The following BIRC6 variants were observed in gnomAD, a reference collection of about 807,000 sequenced individuals.
The protein encoded by BIRC6 is dual E2 ubiquitin-conjugating enzyme/E3 ubiquitin-protein ligase BIRC6.
BIRC6 carries 98 observed loss-of-function variants against 503.3 expected under a neutral mutation model. That is an observed-to-expected ratio of 0.19 (90% confidence interval 0.17 to 0.23). The LOEUF is 0.23. BIRC6 is among the 10% of genes least tolerant of loss of function. The pLI, the probability that BIRC6 is intolerant of heterozygous loss-of-function variation, is 1.00. For missense variants in BIRC6, 5,360 were observed against 5,806.0 expected (o/e 0.92, Z 2.50); for synonymous variants, 2,240 against 2,078.7 (o/e 1.08, Z -2.11).
At chr2:32,559,402 C>T (rs186965572) in intron 65 of BIRC6, among the ~76,000 whole-genome samples, 13 of 152,210 alleles carry the variant, frequency 8.5e-5, no homozygotes, top group African/African-American at 2.4e-4. Flanking sequence ...GTCAGGCAGG[C>T]GCACATTGAA....
intron 50 of BIRC6, among the ~76,000 whole-genome samples, chr2:32,506,836 T>C (rs1446703463): frequency 1.3e-5 from 2 of 152,202 alleles, no homozygotes; most frequent in African/African-American, 4.8e-5. Context: ...ACTTAATCTC[T>C]TTTTGCTATG....
intron 59 of BIRC6, chr2:32,528,227 CTT>C (rs961322150): frequency 9.0e-5 from 13 of 144,382 alleles, no homozygotes; most frequent in East Asian, 2.0e-4. Context: ...CTGCTTTTTC[CTT>C]TTTTTTTTTT....
Position 32,454,282 on chromosome 2 carries a change from G to GTTT in BIRC6, c.4753+343_4753+345dup, listed in dbSNP as rs1558770422. 2.6e-5 allele frequency among the ~76,000 whole-genome samples: 4 copies of GTTT among 152,142 alleles called. No individual in the cohort carries two copies. The South Asian group carries it at 8.3e-4, about 32-fold the overall frequency. ...CTACGTGTTTCTACTACTGAATGAT[G>GTTT]TTTTTGAGAAGGTTGAGATGAGTAA... On this transcript the variant is annotated intron_variant, in intron 23 of 73. Transcript: ENST00000421745.
At chr2:32,572,539 A>G (rs1194075442) in intron 65 of BIRC6, among the ~76,000 whole-genome samples, 1 of 152,210 alleles carries the variant, frequency 6.6e-6, no homozygotes, top group African/African-American at 2.4e-5. Flanking sequence ...GCTTTTACCT[A>G]TATGTGAGTC....
rs949091350 is a variant in BIRC6 at position 32,618,106 on chromosome 2, A to G, written c.*202A>G. 33 of 446,560 alleles carry G rather than the reference A, an allele frequency of 7.4e-5. No homozygotes were observed. The highest frequency in any genetic ancestry group is 4.4e-4 in the African/African-American group (23 of 51,732). 27.7% of individuals were successfully genotyped at this position (446,560 alleles called of 1,614,324 possible). Reference sequence around the variant, plus strand: ...AACTTTTTTGTGCTTTTATTTTTCAATTGTGAGAACCACTGATTGGTATGT... The same window carrying G: ...AACTTTTTTGTGCTTTTATTTTTCAGTTGTGAGAACCACTGATTGGTATGT... On this transcript the variant is annotated 3_prime_UTR_variant, in exon 74 of 74. Transcript: ENST00000421745.
chr2:32,437,991 T>C (rs193300523), intron 15 of BIRC6, among the ~76,000 whole-genome samples: 1 of 152,322 alleles, frequency 6.6e-6, no homozygotes, highest in African/African-American at 2.4e-5. Context: ...ACAGTCTCCC[T>C]GTGTTGCCCA....
chr2:32,485,493 T>G, intron 39 of BIRC6, 150 bp from the exon 40 acceptor site: 1 of 533,358 alleles, frequency 1.9e-6, no homozygotes, highest in Middle Eastern at 3.6e-4. Flanking sequence ...CTTCCCCTGC[T>G]GTGGCTCCGA....
chr2:32,368,686 C>G (rs904130674), intron 1 of BIRC6, among the ~76,000 whole-genome samples: 2 of 152,118 alleles, frequency 1.3e-5, no homozygotes, highest in Admixed American at 6.6e-5. Flanking sequence ...GAGTCTCACT[C>G]TGTCTCCCAG....
intron 39 of BIRC6, among the ~76,000 whole-genome samples, chr2:32,484,172 C>T (rs748942319): frequency 1.4e-4 from 21 of 152,082 alleles, no homozygotes; most frequent in East Asian, 3.9e-4. Flanking sequence ...CCATTGTGCC[C>T]GGCTGCTGTA....
intron 73 of BIRC6, among the ~76,000 whole-genome samples, chr2:32,612,330 C>T (rs1201891372): frequency 6.6e-6 from 1 of 152,172 alleles, no homozygotes; most frequent in Non-Finnish European, 1.5e-5. Context: ...TTTGGACGTT[C>T]ATAGAATGGA....
chr2:32,432,029 G>T (rs915400640), intron 12 of BIRC6, among the ~76,000 whole-genome samples: 6 of 152,294 alleles, frequency 3.9e-5, no homozygotes, highest in Non-Finnish European at 7.3e-5. Context: ...GAACCCTGAG[G>T]ACTATATTTT....
At chr2:32,479,026 G>A (rs1234698550) in intron 36 of BIRC6, among the ~76,000 whole-genome samples, 1 of 152,184 alleles carries the variant, frequency 6.6e-6, no homozygotes, top group Non-Finnish European at 1.5e-5. Context: ...ATAAATGCAA[G>A]GCTTTAGAAA....
At chr2:32,372,019 G>C (rs897737212) in intron 1 of BIRC6, among the ~76,000 whole-genome samples, 9 of 151,806 alleles carry the variant, frequency 5.9e-5, no homozygotes, top group African/African-American at 1.9e-4. Flanking sequence ...TGGCCAGGCT[G>C]GTCTCGAACT....
chr2:32,578,979 AATATATATATACACTTAAT>A lies in BIRC6; in HGVS notation c.13355+3626_13355+3644del, dbSNP rs2060466189. ...GTTTACTACTTATTTTTATATACCT[AATATATATATACACTTAAT>A]ATATATATATACCTAATATATATAT... On this transcript the variant is annotated intron_variant, in intron 66 of 73. Transcript: ENST00000421745. Among the ~76,000 whole-genome samples, 56 of 74,314 alleles carry A rather than the reference AATATATATATACACTTAAT, an allele frequency of 7.5e-4. 1 individual carries two copies. The highest frequency in any genetic ancestry group is 1.1e-3 in the Non-Finnish European group (41 of 38,116). 48.8% of individuals were successfully genotyped at this position (74,314 alleles called of 152,430 possible).
At chr2:32,548,864 T>C (rs2058243005) in intron 64 of BIRC6, 1 of 152,388 alleles carries the variant, frequency 6.6e-6, no homozygotes, top group Non-Finnish European at 1.5e-5. Flanking sequence ...ACCACAGAAA[T>C]GTATAGGGGA....
At position 32,439,611 on chromosome 2, in the gene BIRC6, G is replaced by A. The variant is rs777163180; in HGVS notation, c.3735G>A (p.Arg1245=). ...ATGGTGGTATGCGTCCTGTAGTAAG[G>A]CTTCCATCCCTAAAACACCAGAGTA... ...ICNGGMRPVV[R]LPSLKHQSNK... The change falls in exon 16 of 74, where the codon AGG becomes AGA. Residue 1245 remains arginine (R), a synonymous_variant. Coordinates refer to ENST00000421745, the MANE Select transcript of BIRC6 (RefSeq NM_016252.4). 6.8e-6 allele frequency: 11 copies of A among 1,613,924 alleles called. No individual in the cohort carries two copies. Among genetic ancestry groups the A allele is most frequent in the Non-Finnish European group, 9.3e-6 (11 of 1,179,864 alleles).
intron 36 of BIRC6, 55 bp downstream of exon 36, chr2:32,478,873 A>G (rs1396017353): frequency 1.3e-6 from 2 of 1,544,678 alleles, no homozygotes; most frequent in African/African-American, 1.4e-5. Context: ...TCATTGCTCA[A>G]CTAAGAATCT....
chr2:32,429,819 A>G (rs1486501287), intron 11 of BIRC6, among the ~76,000 whole-genome samples: 1 of 152,204 alleles, frequency 6.6e-6, no homozygotes, highest in Non-Finnish European at 1.5e-5. Flanking sequence ...ATGAAATCAT[A>G]GTAGCCTGCT....
rs372901025 is a variant in BIRC6 at position 32,553,146 on chromosome 2, G to A, written c.13144+3665G>A. Among the ~76,000 whole-genome samples, 34 of 124,124 alleles carry A rather than the reference G, an allele frequency of 2.7e-4. No homozygotes were observed. In the East Asian group the frequency reaches 8.5e-3, roughly 31 times the overall value. The allele number at this position is 124,124 out of a possible 152,430, so 81.4% of individuals were successfully genotyped here. A position where few individuals can be genotyped will look rare whatever the true frequency, so the allele number is the denominator to read the frequency against. On this transcript the variant is annotated intron_variant, in intron 65 of 73. Transcript: ENST00000421745. ...CAGGAGGGGGAGGTTGCGGTGAGCCGAGATGGCACCACTGCACTCCAGCCT... is the reference window on the plus strand; with the variant it reads ...CAGGAGGGGGAGGTTGCGGTGAGCCAAGATGGCACCACTGCACTCCAGCCT...
Sources: gnomAD v4.1 joint callset for allele counts (sites outside exome capture counted in the v4.1 genomes callset) on GRCh38, gnomAD v4.1.1 for gene constraint, MANE v1.5 for transcripts, NCBI Gene and HGNC (gene_info 2026-07-23, HGNC 2026-07-21) for gene names.